Variants in BMP2K observed in about 807,000 individuals in gnomAD.
BMP2K encodes the protein BMP-2-inducible protein kinase.
Under a neutral mutation model 116.0 loss-of-function variants are expected in BMP2K, and 74 were observed. The observed-to-expected ratio is 0.64, with a 90% CI of 0.53 to 0.77. The LOEUF is 0.77. Among genes scored for constraint, BMP2K ranks in the 30% least tolerant of loss-of-function variants. BMP2K has a pLI of 0.00. For missense variants in BMP2K, 1,365 were observed against 1,403.6 expected (o/e 0.97, Z 0.44); for synonymous variants, 486 against 502.5 (o/e 0.97, Z 0.44).
chr4:78,899,329 C>T (rs1733877515), intron 15 of BMP2K, among the ~76,000 whole-genome samples: 1 of 152,028 alleles, frequency 6.6e-6, no homozygotes, highest in South Asian at 2.1e-4. Context: ...TGGTGAAGTT[C>T]TTTTCTGGAA....
chr4:78,785,459 C>T (rs1475787395), intron 1 of BMP2K, among the ~76,000 whole-genome samples: 1 of 152,100 alleles, frequency 6.6e-6, no homozygotes, highest in Non-Finnish European at 1.5e-5. Flanking sequence ...TAAGAAGTTG[C>T]CTTACATGCT....
chr4:78,874,107 G>A (rs1732520098), intron 13 of BMP2K, among the ~76,000 whole-genome samples: 3 of 151,936 alleles, frequency 2.0e-5, no homozygotes, highest in Admixed American at 6.6e-5. Flanking sequence ...GAACTTGGGA[G>A]GCAGAGATTG....
At chr4:78,788,984 A>AT (rs199715845) in intron 1 of BMP2K, among the ~76,000 whole-genome samples, 2,850 of 144,836 alleles carry the variant, frequency 0.02, 81 homozygotes, top group African/African-American at 0.065. Context: ...AATTTCACTG[A>AT]TTTTTTTCTT....
At chr4:78,831,561 G>T (rs190613724) in intron 2 of BMP2K, among the ~76,000 whole-genome samples, 5 of 152,248 alleles carry the variant, frequency 3.3e-5, no homozygotes, top group East Asian at 1.9e-4. Flanking sequence ...TACTGTTCCT[G>T]TGCATTCACT....
Position 78,776,429 on chromosome 4 carries a change from C to G in BMP2K, c.-115C>G. The G allele has an allele frequency of 9.8e-7, 1 of 1,015,336 alleles. No individual in the cohort carries two copies. The highest frequency in any genetic ancestry group is 1.2e-6 in the Non-Finnish European group (1 of 832,082). 62.9% of individuals were successfully genotyped at this position (1,015,336 alleles called of 1,614,324 possible). ...GCGCGGAATGTGAGGCTTGGCGGGC[C>G]GCAGCACGCTCGGACGGGCCAGGGG... On this transcript the variant is annotated 5_prime_UTR_variant, in exon 1 of 16. Transcript: ENST00000502613.
chr4:78,884,423 C>T (rs1169696838), intron 14 of BMP2K, among the ~76,000 whole-genome samples: 1 of 152,172 alleles, frequency 6.6e-6, no homozygotes, highest in African/African-American at 2.4e-5. Context: ...TGAATCAAGT[C>T]TACGGTTGGG....
Position 78,887,171 on chromosome 4 carries a change from C to T in BMP2K, c.1952-3C>T, listed in dbSNP as rs1477953100. 9 of 1,568,226 alleles carry T rather than the reference C, an allele frequency of 5.7e-6. No individual in the cohort carries two copies. Among genetic ancestry groups the T allele is most frequent in the Non-Finnish European group, 7.8e-6 (9 of 1,150,760 alleles). Reference sequence around the variant, plus strand: ...TTTATTTCGTTTCATCTTATTTTTGCAGATAGGCTCGAGGAGAGAGCATCC... The same window carrying T: ...TTTATTTCGTTTCATCTTATTTTTGTAGATAGGCTCGAGGAGAGAGCATCC... On this transcript the variant is annotated splice_region_variant and splice_polypyrimidine_tract_variant and intron_variant, in intron 14 of 15. Coordinates refer to ENST00000502613, the MANE Select transcript of BMP2K (RefSeq NM_198892.2).
At chr4:78,794,282 A>G (rs1728147667) in intron 1 of BMP2K, among the ~76,000 whole-genome samples, 1 of 152,156 alleles carries the variant, frequency 6.6e-6, no homozygotes, top group African/African-American at 2.4e-5. Context: ...GGAACCTGGA[A>G]TGAATGTTTC....
At chr4:78,873,240 G>A (rs963002478) in intron 13 of BMP2K, among the ~76,000 whole-genome samples, 5 of 152,076 alleles carry the variant, frequency 3.3e-5, no homozygotes, top group Admixed American at 1.3e-4. Context: ...TTACATATAT[G>A]TATTTTAAGA....
At chr4:78,814,277 T>C (rs575017797) in intron 1 of BMP2K, among the ~76,000 whole-genome samples, 1 of 152,342 alleles carries the variant, frequency 6.6e-6, no homozygotes, top group East Asian at 1.9e-4. Flanking sequence ...GCTTGAGCTC[T>C]TCCTCCCTTA....
At chr4:78,882,833 TA>T (rs1256056045) in intron 14 of BMP2K, among the ~76,000 whole-genome samples, 1 of 152,018 alleles carries the variant, frequency 6.6e-6, no homozygotes, top group Admixed American at 6.5e-5. Flanking sequence ...CACAGAATGA[TA>T]ATGGCTATAA....
At position 78,901,673 on chromosome 4, in the gene BMP2K, G is replaced by A. The variant is rs149236710; in HGVS notation, c.2063-8937G>A. On this transcript the variant is annotated intron_variant, in intron 15 of 15. Coordinates refer to ENST00000502613, the MANE Select transcript of BMP2K (RefSeq NM_198892.2). ...TCCCCAGGGCACTGTTTTACAGTTA[G>A]TTTGCATACCAACATAGGATAGGTG... Among the ~76,000 whole-genome samples, 370 of 152,200 alleles carry A rather than the reference G, an allele frequency of 2.4e-3. 3 individuals are homozygous for A. The highest frequency in any genetic ancestry group is 8.5e-3 in the African/African-American group (352 of 41,534).
chr4:78,871,004 C>CAGT lies in BMP2K; in HGVS notation c.1455_1456insTAG (p.Gln485_Gln486insTer). 6.3e-7 allele frequency: 1 copy of CAGT among 1,591,070 alleles called. No homozygotes were observed. The highest frequency in any genetic ancestry group is 1.3e-5 in the African/African-American group (1 of 74,922). On this transcript the variant is annotated stop_gained and inframe_insertion, in exon 11 of 16. Transcript: ENST00000502613. LOFTEE classifies it high-confidence loss of function. The stretch of plus-strand genomic sequence containing the variant: ...GCAACAGCAGCAGCAGCAGCAGCAG[C>CAGT]AGCAGCACCACCACCACCACCACCA...
At chr4:78,907,772 GTTC>G (rs1249621520) in intron 15 of BMP2K, among the ~76,000 whole-genome samples, 5 of 152,096 alleles carry the variant, frequency 3.3e-5, no homozygotes, top group African/African-American at 1.2e-4. Flanking sequence ...GTTTGTCTTG[GTTC>G]TTGTTAGGGA....
At position 78,845,045 on chromosome 4, in the gene BMP2K, A is replaced by G; in HGVS notation, c.664A>G (p.Lys222Glu). The G allele has an allele frequency of 6.3e-7, 1 of 1,576,552 alleles. No individual in the cohort carries two copies. Reference protein sequence around the residue: ...DGVNVVEEEIKKYTTLSYRAP... With the variant: ...DGVNVVEEEIEKYTTLSYRAP... ...AGTTAATGTAGTAGAAGAAGAAATTAAAAAGTAAGTATTTGTCTTTATTGC... is the reference window on the plus strand; with the variant it reads ...AGTTAATGTAGTAGAAGAAGAAATTGAAAAGTAAGTATTTGTCTTTATTGC... The change falls in exon 5 of 16, where the codon AAA becomes GAA. Residue 222 changes from lysine to glutamate, a missense_variant. Physicochemically the swap from Lys to Glu is moderately conservative, Grantham distance 56. This residue lies in a region of BMP2K where 762 missense variants were observed against 756.7 expected (regional missense o/e 1.01). Transcript: ENST00000502613.
intron 2 of BMP2K, among the ~76,000 whole-genome samples, chr4:78,827,732 C>T (rs558958200): frequency 6.6e-6 from 1 of 152,220 alleles, no homozygotes; most frequent in Non-Finnish European, 1.5e-5. Context: ...CAGGGGCTTC[C>T]ACCACTGTTC....
chr4:78,874,825 G>A (rs1732555062), intron 13 of BMP2K, among the ~76,000 whole-genome samples: 1 of 152,170 alleles, frequency 6.6e-6, no homozygotes, highest in Non-Finnish European at 1.5e-5. Flanking sequence ...AGCACTGTCT[G>A]CTTTATTCTC....
At chr4:78,776,830 C>A in intron 1 of BMP2K, 109 bp downstream of exon 1, 1 of 1,045,692 alleles carries the variant, frequency 9.6e-7, no homozygotes, top group Non-Finnish European at 1.2e-6. Flanking sequence ...CCCATTCTTC[C>A]TCTGCTGCCG....
At chr4:78,839,478 A>G (rs1280193600) in intron 3 of BMP2K, among the ~76,000 whole-genome samples, 1 of 152,224 alleles carries the variant, frequency 6.6e-6, no homozygotes, top group Non-Finnish European at 1.5e-5. Flanking sequence ...GACAGACTGC[A>G]GAGTTACATG....
Sources: allele counts gnomAD v4.1 joint callset (sites outside exome capture counted in the v4.1 genomes callset), GRCh38; gene constraint gnomAD v4.1.1; regional missense constraint gnomAD v4.1.1; transcripts MANE v1.5; gene names NCBI Gene and HGNC (gene_info 2026-07-23, HGNC 2026-07-21).